ZNF277: variants seen among roughly 807,000 people sequenced by gnomAD.
ZNF277 encodes the protein zinc finger protein 277, also known as nuclear receptor-interacting factor 4.
ZNF277 carries 55 observed loss-of-function variants against 60.7 expected under a neutral mutation model. The ratio of observed to expected loss-of-function variants is 0.91; its 90% CI spans 0.73 to 1.13. The LOEUF (loss-of-function observed/expected upper bound fraction) is 1.13, where lower values mean the gene tolerates loss of function less well. Among genes scored for constraint, ZNF277 ranks in the 50% most tolerant of loss-of-function variants. The pLI is 0.00. For synonymous variants in ZNF277, 178 were observed against 179.3 expected, an observed-to-expected ratio of 0.99 and a Z score of 0.06; for missense variants, 510 against 523.0, an observed-to-expected ratio of 0.98 and a Z score of 0.24.
intron 1 of ZNF277, among the ~76,000 whole-genome samples, chr7:112,260,631 G>A (rs1011239596): frequency 2.6e-5 from 4 of 152,048 alleles, no homozygotes; most frequent in African/African-American, 9.7e-5. Context: ...CTCTTATAGG[G>A]TGTTATTTCT....
chr7:112,244,325 A>T (rs935942680), intron 1 of ZNF277, among the ~76,000 whole-genome samples: 3 of 152,294 alleles, frequency 2.0e-5, no homozygotes, highest in Non-Finnish European at 4.4e-5. Flanking sequence ...TGCAAATAAG[A>T]TGTACTTCCT....
chr7:112,299,663 A>G (rs1018876256), intron 4 of ZNF277, among the ~76,000 whole-genome samples: 8 of 152,238 alleles, frequency 5.3e-5, no homozygotes, highest in Non-Finnish European at 1.2e-4. Flanking sequence ...TTTCTAAAAC[A>G]TGTAATTTAA....
At chr7:112,342,509 G>C in intron 11 of ZNF277, 52 bp from the exon 12 acceptor site, 1 of 1,389,908 alleles carries the variant, frequency 7.2e-7, no homozygotes, top group Non-Finnish European at 9.5e-7. Context: ...CAGCTACCTG[G>C]ACACTGTATT....
intron 4 of ZNF277, among the ~76,000 whole-genome samples, chr7:112,307,969 G>T (rs1459449850): frequency 6.6e-6 from 1 of 151,908 alleles, no homozygotes; most frequent in Non-Finnish European, 1.5e-5. Context: ...CTGTCAACTA[G>T]TTGTCATAAA....
intron 1 of ZNF277, 110 bp downstream of exon 1, chr7:112,206,917 T>C: frequency 9.7e-7 from 1 of 1,034,558 alleles, no homozygotes; most frequent in Non-Finnish European, 1.4e-6. Flanking sequence ...TGGGGCCACC[T>C]GGGTTCGACT....
chr7:112,342,908 C>A lies in ZNF277; in HGVS notation c.*179C>A. ...AAAATAAAGTAGAAAAATGCACTTA[C>A]TAAGAACATGAAAAAAAATGAAGTA... is the stretch of plus-strand genomic sequence containing the variant. On this transcript the variant is annotated 3_prime_UTR_variant, in exon 12 of 12. Coordinates refer to ENST00000361822, the MANE Select transcript of ZNF277 (RefSeq NM_021994.3). 1 of 430,136 alleles carries A rather than the reference C, an allele frequency of 2.3e-6. No individual in the cohort carries two copies. Among genetic ancestry groups the A allele is most frequent in the Non-Finnish European group, 3.9e-6 (1 of 254,684 alleles). The allele number at this position is 430,136 out of a possible 1,614,324, so 26.6% of individuals were successfully genotyped here.
At chr7:112,216,870 G>A (rs1273059663) in intron 1 of ZNF277, among the ~76,000 whole-genome samples, 1 of 152,192 alleles carries the variant, frequency 6.6e-6, no homozygotes, top group African/African-American at 2.4e-5. Context: ...AAAATTGGCT[G>A]AGAACCACTG....
intron 1 of ZNF277, among the ~76,000 whole-genome samples, chr7:112,242,896 T>C (rs186796837): frequency 5.8e-4 from 89 of 152,158 alleles, no homozygotes; most frequent in African/African-American, 2.0e-3. Context: ...GCTGGAAATA[T>C]CACATTACCT....
intron 1 of ZNF277, among the ~76,000 whole-genome samples, chr7:112,274,468 T>C (rs1791748324): frequency 6.6e-6 from 1 of 152,314 alleles, no homozygotes; most frequent in East Asian, 1.9e-4. Flanking sequence ...TTATTAACTT[T>C]TATAGGCCTA....
At chr7:112,271,815 G>A (rs1791675600) in intron 1 of ZNF277, among the ~76,000 whole-genome samples, 1 of 151,634 alleles carries the variant, frequency 6.6e-6, no homozygotes, top group Non-Finnish European at 1.5e-5. Context: ...GTTTTTATGG[G>A]TACATACTAG....
At chr7:112,326,677 A>T (rs773057556) in intron 5 of ZNF277, among the ~76,000 whole-genome samples, 2 of 152,006 alleles carry the variant, frequency 1.3e-5, no homozygotes, top group Non-Finnish European at 2.9e-5. Flanking sequence ...TTTTATAGAA[A>T]TGTTTGCTTT....
chr7:112,229,373 T>G lies in ZNF277; in HGVS notation c.91+22566T>G, dbSNP rs536824226. 4.6e-5 allele frequency among the ~76,000 whole-genome samples: 7 copies of G among 152,304 alleles called. No homozygotes were observed. The East Asian group carries it at 1.3e-3, about 29-fold the overall frequency. ...CACTGCAAAGAAGAGTCAGATGCCATACAAGGACATTTCAGAAACTCTTCT... is the reference window on the plus strand; with the variant it reads ...CACTGCAAAGAAGAGTCAGATGCCAGACAAGGACATTTCAGAAACTCTTCT... On this transcript the variant is annotated intron_variant, in intron 1 of 11. Coordinates refer to ENST00000361822, the MANE Select transcript of ZNF277 (RefSeq NM_021994.3).
chr7:112,233,350 C>T (rs1191367827), intron 1 of ZNF277, among the ~76,000 whole-genome samples: 1 of 152,180 alleles, frequency 6.6e-6, no homozygotes, highest in Non-Finnish European at 1.5e-5. Context: ...AAGATACTGT[C>T]CTTGCAGGGC....
chr7:112,260,420 T>G (rs1276267833), intron 1 of ZNF277, among the ~76,000 whole-genome samples: 5 of 152,238 alleles, frequency 3.3e-5, no homozygotes, highest in Non-Finnish European at 5.9e-5. Context: ...TATCATATTA[T>G]AAATATGGTT....
intron 4 of ZNF277, among the ~76,000 whole-genome samples, chr7:112,314,047 T>C (rs78583786): frequency 0.017 from 2,653 of 152,220 alleles, 48 homozygotes; most frequent in Non-Finnish European, 0.026. Flanking sequence ...GCAATATAGA[T>C]GCCAACTGAA....
At chr7:112,257,845 G>T (rs1490163703) in intron 1 of ZNF277, among the ~76,000 whole-genome samples, 4 of 151,770 alleles carry the variant, frequency 2.6e-5, no homozygotes, top group Non-Finnish European at 5.9e-5. Flanking sequence ...TCAGGGTCTT[G>T]CTCTGTTGCC....
At chr7:112,230,058 T>C (rs2116975858) in intron 1 of ZNF277, among the ~76,000 whole-genome samples, 1 of 152,310 alleles carries the variant, frequency 6.6e-6, no homozygotes, top group African/African-American at 2.4e-5. Context: ...GCGAAAGAAC[T>C]TGGAGTTTCT....
chr7:112,284,418 G>A (rs1403266629), intron 1 of ZNF277, among the ~76,000 whole-genome samples: 1 of 152,114 alleles, frequency 6.6e-6, no homozygotes, highest in Non-Finnish European at 1.5e-5. Flanking sequence ...ACTAGTGGAT[G>A]TAAAATACTA....
At chr7:112,223,596 G>T (rs1442276236) in intron 1 of ZNF277, among the ~76,000 whole-genome samples, 4 of 152,188 alleles carry the variant, frequency 2.6e-5, no homozygotes, top group African/African-American at 7.2e-5. Flanking sequence ...TCGTAGGTTT[G>T]CCCTCTCAAA....
Sources: gnomAD v4.1 joint callset for allele counts (sites outside exome capture counted in the v4.1 genomes callset) on GRCh38, gnomAD v4.1.1 for gene constraint, MANE v1.5 for transcripts, NCBI Gene and HGNC (gene_info 2026-07-23, HGNC 2026-07-21) for gene names.